TRHDE: variants seen among roughly 807,000 people sequenced by gnomAD.
TRHDE encodes thyrotropin-releasing hormone-degrading ectoenzyme.
In TRHDE, 72 loss-of-function variants were observed where a neutral mutation model predicts 125.7. That is an observed-to-expected ratio of 0.57 (90% confidence interval 0.47 to 0.70). The LOEUF (loss-of-function observed/expected upper bound fraction) is 0.70. TRHDE is among the 30% of genes least tolerant of loss of function. The pLI is 0.00. For synonymous variants in TRHDE, 509 were observed against 509.1 expected (o/e 1.00, Z 0.00); for missense variants, 1,110 against 1,327.1 (o/e 0.84, Z 2.54).
At chr12:72,521,935 A>C (rs1247714621) in intron 6 of TRHDE, among the ~76,000 whole-genome samples, 1 of 152,232 alleles carries the variant, frequency 6.6e-6, no homozygotes, top group Non-Finnish European at 1.5e-5. Context: ...TGGTAGGGTT[A>C]GGGAAAAGTT....
intron 2 of TRHDE, among the ~76,000 whole-genome samples, chr12:72,300,424 T>A (rs1187485111): frequency 6.6e-6 from 1 of 151,444 alleles, no homozygotes; most frequent in Admixed American, 6.6e-5. Flanking sequence ...CACAGAGATA[T>A]GTATTATATA....
intron 3 of TRHDE, among the ~76,000 whole-genome samples, chr12:72,448,694 C>T (rs1435021398): frequency 6.6e-6 from 1 of 151,556 alleles, no homozygotes; most frequent in East Asian, 1.9e-4. Context: ...ATGTAAAATG[C>T]TATTACAGGT....
intron 7 of TRHDE, among the ~76,000 whole-genome samples, chr12:72,559,891 A>G (rs1870095710): frequency 6.6e-6 from 1 of 152,166 alleles, no homozygotes; most frequent in Non-Finnish European, 1.5e-5. Context: ...CCCTACACAA[A>G]TCACATCTCA....
At position 72,386,306 on chromosome 12, in the gene TRHDE, G is replaced by A. The variant is rs531755345; in HGVS notation, c.1315+8185G>A. On this transcript the variant is annotated intron_variant, in intron 3 of 18. Coordinates refer to ENST00000261180, the MANE Select transcript of TRHDE (RefSeq NM_013381.3). ...CATTACAGCTTTGCAATTAAGTTAGGAAATAACCATTTTAAACGTTTTCAT... is the reference window on the plus strand; with the variant it reads ...CATTACAGCTTTGCAATTAAGTTAGAAAATAACCATTTTAAACGTTTTCAT... Among the ~76,000 whole-genome samples the A allele has an allele frequency of 7.2e-5, 11 of 152,232 alleles. No homozygotes were observed. The South Asian group carries it at 2.1e-3, about 29-fold the overall frequency.
chr12:72,325,058 T>G (rs867423515), intron 2 of TRHDE, among the ~76,000 whole-genome samples: 54 of 151,956 alleles, frequency 3.6e-4, no homozygotes, highest in African/African-American at 1.2e-3. Context: ...AAGGGGCAAA[T>G]TGTTTGAATC....
rs3086840 is a variant in TRHDE at position 72,210,171 on chromosome 12, GATCT to G, written n.279+104453_279+104456del. 1.5e-3 allele frequency among the ~76,000 whole-genome samples: 218 copies of G among 146,424 alleles called. 1 individual carries two copies. Among genetic ancestry groups the G allele is most frequent in the Admixed American group, 2.8e-3 (41 of 14,820 alleles). Reference sequence around the variant, plus strand: ...CAATGATTTTAAGTTCTATAAGATTGATCTATCTATCTATCTATCTATCTATCTA... The same window carrying G: ...CAATGATTTTAAGTTCTATAAGATTGATCTATCTATCTATCTATCTATCTA... On this transcript the variant is annotated intron_variant and non_coding_transcript_variant, in intron 2 of 4. Coordinates refer to the TRHDE transcript ENST00000548156.
chr12:72,556,148 G>T (rs1015404672), intron 7 of TRHDE, among the ~76,000 whole-genome samples: 1 of 152,116 alleles, frequency 6.6e-6, no homozygotes, highest in African/African-American at 2.4e-5. Context: ...GTACTAAATA[G>T]AATTTAGTGT....
intron 3 of TRHDE, among the ~76,000 whole-genome samples, chr12:72,433,746 CT>C (rs35623228): frequency 0.019 from 2,840 of 145,968 alleles, 93 homozygotes; most frequent in African/African-American, 0.066. Flanking sequence ...GACAAATAAA[CT>C]TTTTTTTTTT....
At chr12:72,240,339 ATATATATATTTGTG>A (rs1207959487) in intron 2 of TRHDE, among the ~76,000 whole-genome samples, 1 of 147,692 alleles carries the variant, frequency 6.8e-6, no homozygotes, top group African/African-American at 2.5e-5. Context: ...TTGTGTGTAT[ATATATATATTTGTG>A]TATATATATA....
chr12:72,274,036 C>T (rs1879380197), intron 1 of TRHDE: 1 of 159,410 alleles, frequency 6.3e-6, no homozygotes, highest in African/African-American at 2.4e-5. Flanking sequence ...ACATGCCCAT[C>T]TTCCCTGACT....
At position 72,286,751 on chromosome 12, in the gene TRHDE, T is replaced by C. The variant is rs957633673; in HGVS notation, c.985T>C (p.Tyr329His). ...KAFPCFDEPI[Y>H]KATFKISIKH... ...ATTTCCTTGTTTTGATGAGCCAATC[T>C]ACAAGGCTACTTTCAAAATCAGCAT... is the stretch of plus-strand genomic sequence containing the variant. The change falls in exon 2 of 19, where the codon TAC (tyrosine) becomes CAC (histidine). Residue 329 changes from tyrosine (Y) to histidine (H), a missense_variant. Transcript: ENST00000261180. 6.2e-7 allele frequency: 1 copy of C among 1,613,986 alleles called. No homozygotes were observed. The highest frequency in any genetic ancestry group is 1.3e-5 in the African/African-American group (1 of 75,002).
chr12:72,206,245 C>T (rs1592483309), intron 2 of TRHDE, among the ~76,000 whole-genome samples: 1 of 152,080 alleles, frequency 6.6e-6, no homozygotes. Flanking sequence ...ACTGGGATTA[C>T]AGCCTTCAAG....
At chr12:72,386,269 C>T (rs1872411881) in intron 3 of TRHDE, among the ~76,000 whole-genome samples, 1 of 152,144 alleles carries the variant, frequency 6.6e-6, no homozygotes, top group African/African-American at 2.4e-5. Context: ...CATAATCCAA[C>T]AGTGTTTTGG....
At chr12:72,276,993 C>T (rs560396061) in intron 1 of TRHDE, among the ~76,000 whole-genome samples, 185 of 152,144 alleles carry the variant, frequency 1.2e-3, no homozygotes, top group Middle Eastern at 3.4e-3. Flanking sequence ...AAGTAGGGTA[C>T]CTTAATTTAG....
intron 1 of TRHDE, among the ~76,000 whole-genome samples, chr12:72,286,015 A>T (rs1244236765): frequency 2.0e-5 from 3 of 152,230 alleles, no homozygotes; most frequent in Non-Finnish European, 4.4e-5. Flanking sequence ...TAGGTGCTTT[A>T]CATCCTTTCT....
chr12:72,272,610 CAGAGGG>C lies in TRHDE; in HGVS notation c.-33_-28del. ...CGGGTGGCCCGCCCGCGGGGGGTGC[CAGAGGG>C]GGCGGGGGAGGAGGAGGAGGCGGTG... is the stretch of plus-strand genomic sequence containing the variant. On this transcript the variant is annotated 5_prime_UTR_variant, in exon 1 of 19. Transcript: ENST00000261180. The surrounding 1 kb of genome is among the most constrained non-coding windows in gnomAD (Gnocchi z 6.7). 6.9e-6 allele frequency: 6 copies of C among 864,072 alleles called. No individual in the cohort carries two copies. The highest frequency in any genetic ancestry group is 8.5e-6 in the Non-Finnish European group (5 of 591,666). The allele number at this position is 864,072 out of a possible 1,614,324, so 53.5% of individuals were successfully genotyped here.
chr12:72,112,920 C>G (rs1286928256), intron 2 of TRHDE, among the ~76,000 whole-genome samples: 1 of 152,208 alleles, frequency 6.6e-6, no homozygotes, highest in Non-Finnish European at 1.5e-5. Flanking sequence ...CAGTAGGGAT[C>G]TCACCAAAGG....
At chr12:72,210,158 G>A (rs562689873) in intron 2 of TRHDE, among the ~76,000 whole-genome samples, 1 of 133,386 alleles carries the variant, frequency 7.5e-6, no homozygotes, top group South Asian at 2.6e-4. Context: ...ATGATTTTAA[G>A]TTCTATAAGA....
intron 6 of TRHDE, among the ~76,000 whole-genome samples, chr12:72,520,516 C>T (rs867421631): frequency 6.6e-5 from 10 of 152,134 alleles, no homozygotes; most frequent in Non-Finnish European, 1.5e-4. Context: ...ACGGTGCGCG[C>T]ACCCACTGAC....
Sources: allele counts gnomAD v4.1 joint callset (sites outside exome capture counted in the v4.1 genomes callset), GRCh38; gene constraint gnomAD v4.1.1; non-coding constraint Gnocchi (gnomAD v3.1); transcripts MANE v1.5; gene names NCBI Gene and HGNC (gene_info 2026-07-23, HGNC 2026-07-21).